The following ERICH1 variants were observed in gnomAD, a reference collection of about 807,000 sequenced individuals.
The protein encoded by ERICH1 is glutamate-rich protein 1.
ERICH1 carries 56 observed loss-of-function variants against 39.6 expected under a neutral mutation model. The ratio of observed to expected loss-of-function variants is 1.41; its 90% CI spans 1.14 to 1.77. The LOEUF (loss-of-function observed/expected upper bound fraction) is 1.77, where lower values mean the gene tolerates loss of function less well. Among genes scored for constraint, ERICH1 ranks in the 40% most tolerant of loss-of-function variants. The pLI, the probability that ERICH1 is intolerant of heterozygous loss-of-function variation, is 0.00. For missense variants in ERICH1, 826 were observed against 575.4 expected (o/e 1.44, Z -4.45); for synonymous variants, 313 against 223.6 (o/e 1.40, Z -3.57).
intron 2 of ERICH1, among the ~76,000 whole-genome samples, chr8:696,753 A>C (rs1160226300): frequency 4.3e-3 from 71 of 16,540 alleles, no homozygotes; most frequent in Admixed American, 7.4e-3. Flanking sequence ...CTCACCCTCC[A>C]CTCCTCTCCT....
At chr8:656,369 T>A (rs1298234106) in intron 3 of ERICH1, among the ~76,000 whole-genome samples, 6 of 152,206 alleles carry the variant, frequency 3.9e-5, no homozygotes, top group Non-Finnish European at 8.8e-5. Context: ...ACCCAGTGAT[T>A]TTAACATCCG....
At position 710,858 on chromosome 8, in the gene ERICH1, G is replaced by A. The variant is rs540569447; in HGVS notation, c.169+5003C>T. Among the ~76,000 whole-genome samples, 183 of 152,308 alleles carry A rather than the reference G, an allele frequency of 1.2e-3. 1 individual carries two copies. Among genetic ancestry groups the A allele is most frequent in the African/African-American group, 4.2e-3 (173 of 41,550 alleles). ...AACATCCATGTGCAGGTTTATTGAC[G>A]TTTTCCATCTATTTGGATAAATGTC... On this transcript the variant is annotated intron_variant, in intron 2 of 5. Transcript: ENST00000262109.
chr8:692,595 G>C lies in ERICH1; in HGVS notation c.187C>G (p.Pro63Ala). Residue 63 changes from proline (P) to alanine (A), a missense_variant, in exon 3 of 6, where the codon CCG becomes GCG. By Grantham distance (27) the Pro-to-Ala change is conservative (BLOSUM62 -1). Coordinates refer to ENST00000262109, the MANE Select transcript of ERICH1 (RefSeq NM_207332.3). The part of the protein sequence containing the change: ...EPLTDTGSET[P>A]TARRLYTASG... ...GCAGTGTAGAGCCGTCGGGCAGTCG[G>C]GGTCTCAGAGCCAGTGTCTGCAACA... The C allele has an allele frequency of 6.2e-7, 1 of 1,602,534 alleles. No individual in the cohort carries two copies. Among genetic ancestry groups the C allele is most frequent in the Non-Finnish European group, 8.5e-7 (1 of 1,173,518 alleles).
At chr8:643,160 A>C (rs1276300364) in intron 3 of ERICH1, among the ~76,000 whole-genome samples, 1 of 152,094 alleles carries the variant, frequency 6.6e-6, no homozygotes, top group Non-Finnish European at 1.5e-5. Context: ...ACAGCCGGGG[A>C]CTGCTTCACA....
At chr8:631,161 G>A (rs111785668) in intron 3 of ERICH1, among the ~76,000 whole-genome samples, 254 of 152,366 alleles carry the variant, frequency 1.7e-3, no homozygotes, top group African/African-American at 4.1e-3. Context: ...AGCCTCCCCC[G>A]CTGGACATGG....
chr8:678,825 C>G (rs541699322), intron 3 of ERICH1, among the ~76,000 whole-genome samples: 42 of 152,188 alleles, frequency 2.8e-4, no homozygotes, highest in Non-Finnish European at 5.3e-4. Context: ...AAGAAAAAGC[C>G]AACACATGTC....
In ERICH1 at chr8:699,955, GCCCGCACACGCGCACAGA is replaced by G. The variant is rs1206376841; in HGVS notation, c.170-7361_170-7344del. ...CGCACAGACCCGCACACGCGCACAG[GCCCGCACACGCGCACAGA>G]CCCGCACACGCGCACAGACCCTCAC... On this transcript the variant is annotated intron_variant, in intron 2 of 5. Coordinates refer to ENST00000262109, the MANE Select transcript of ERICH1 (RefSeq NM_207332.3). Among the ~76,000 whole-genome samples, 340 of 36,534 alleles carry G rather than the reference GCCCGCACACGCGCACAGA, an allele frequency of 9.3e-3. 7 individuals carry two copies. The highest frequency in any genetic ancestry group is 0.033 in the Middle Eastern group (1 of 30). 24.0% of individuals were successfully genotyped at this position (36,534 alleles called of 152,430 possible). A position where few individuals can be genotyped will look rare whatever the true frequency, so the allele number is the denominator to read the frequency against.
intron 2 of ERICH1, among the ~76,000 whole-genome samples, chr8:710,364 C>T (rs370410443): frequency 3.9e-4 from 57 of 147,904 alleles, no homozygotes; most frequent in African/African-American, 7.0e-4. Flanking sequence ...CGGCATCGTA[C>T]GGGGCGGTTT....
At chr8:635,921 C>G (rs555970832) in intron 3 of ERICH1, among the ~76,000 whole-genome samples, 292 of 152,356 alleles carry the variant, frequency 1.9e-3, no homozygotes, top group Non-Finnish European at 3.4e-3. Context: ...GCGGCTCTTA[C>G]GCGGCAGGTG....
At chr8:677,567 C>G (rs933790501) in intron 3 of ERICH1, among the ~76,000 whole-genome samples, 5 of 152,206 alleles carry the variant, frequency 3.3e-5, no homozygotes, top group Admixed American at 6.5e-5. Context: ...CTGCGCAGGT[C>G]TGACCAACCA....
At chr8:657,708 G>C (rs988210356) in intron 3 of ERICH1, among the ~76,000 whole-genome samples, 7 of 151,974 alleles carry the variant, frequency 4.6e-5, no homozygotes, top group African/African-American at 1.7e-4. Flanking sequence ...CTTTTCATCA[G>C]GAGTGAGGGT....
At chr8:685,595 A>G (rs1397971847) in intron 3 of ERICH1, among the ~76,000 whole-genome samples, 1 of 152,218 alleles carries the variant, frequency 6.6e-6, no homozygotes, top group African/African-American at 2.4e-5. Flanking sequence ...AGACAGGCAT[A>G]AGAAATTATA....
chr8:654,459 G>A (rs544950247), intron 3 of ERICH1, among the ~76,000 whole-genome samples: 17 of 152,296 alleles, frequency 1.1e-4, no homozygotes, highest in African/African-American at 4.1e-4. Flanking sequence ...CCTGATCTGG[G>A]TGTGGGTTAC....
intron 3 of ERICH1, among the ~76,000 whole-genome samples, chr8:654,297 G>A (rs1414811008): frequency 6.6e-6 from 1 of 152,182 alleles, no homozygotes; most frequent in Non-Finnish European, 1.5e-5. Context: ...GTTAATTGAG[G>A]CCCGTTAACT....
At chr8:621,720 G>A (rs1268358894) in intron 3 of ERICH1, among the ~76,000 whole-genome samples, 1 of 151,568 alleles carries the variant, frequency 6.6e-6, no homozygotes, top group East Asian at 1.9e-4. Flanking sequence ...AGAAAGAGAG[G>A]GACTAAATTA....
downstream of ERICH1, among the ~76,000 whole-genome samples, chr8:663,680 T>C (rs913759236): frequency 1.3e-5 from 2 of 152,096 alleles, no homozygotes; most frequent in African/African-American, 4.8e-5. Context: ...ATGAGCTGTA[T>C]GTATGTTTTA....
intron 5 of ERICH1, chr8:668,386 A>G: frequency 1.7e-6 from 1 of 597,040 alleles, no homozygotes; most frequent in Non-Finnish European, 2.9e-6. Context: ...CTTAGACTGC[A>G]CATGCATTTC....
At chr8:681,331 G>A (rs746251615) in intron 3 of ERICH1, among the ~76,000 whole-genome samples, 11 of 152,318 alleles carry the variant, frequency 7.2e-5, no homozygotes, top group East Asian at 1.9e-4. Context: ...TCTAGCTCAC[G>A]AGAAAAACAA....
chr8:684,603 T>C (rs1172744941), intron 3 of ERICH1, among the ~76,000 whole-genome samples: 2 of 152,188 alleles, frequency 1.3e-5, no homozygotes, highest in African/African-American at 2.4e-5. Context: ...AATTCCAATT[T>C]CTGCCAAGAC....
Sources: gnomAD v4.1 joint callset for allele counts (sites outside exome capture counted in the v4.1 genomes callset) on GRCh38, gnomAD v4.1.1 for gene constraint, MANE v1.5 for transcripts, NCBI Gene and HGNC (gene_info 2026-07-23, HGNC 2026-07-21) for gene names.